The following SNAP23 variants were observed in gnomAD, a reference collection of about 807,000 sequenced individuals.
SNAP23 encodes synaptosome associated protein 23, also known as synaptosomal-associated protein 23.
In SNAP23, 11 loss-of-function variants were observed where a neutral mutation model predicts 29.0. That is an observed-to-expected ratio of 0.38 (90% CI 0.24 to 0.63). The LOEUF is 0.63. Ranked by LOEUF, SNAP23 falls within the 20% of genes least tolerant of loss-of-function variation. SNAP23 has a pLI of 0.58. For synonymous variants in SNAP23, 60 were observed against 82.9 expected (o/e 0.72, Z 1.50); for missense variants, 220 against 253.9 (o/e 0.87, Z 0.91).
chr15:42,512,943 G>A lies in SNAP23; in HGVS notation c.58-12G>A, dbSNP rs1014170455. ...ATATTTTGGAATGCTAAAATTCTGT[G>A]TTCTTTCCTAGTCTCTGGAAAGTAC... On this transcript the variant is annotated splice_polypyrimidine_tract_variant and intron_variant, in intron 2 of 7. Transcript: ENST00000249647. The A allele has an allele frequency of 2.5e-6, 4 of 1,604,606 alleles. No homozygotes were observed. The African/African-American group carries it at 5.4e-5, about 22-fold the overall frequency.
chr15:42,523,833 T>G (rs2057470900), intron 5 of SNAP23, among the ~76,000 whole-genome samples: 1 of 152,200 alleles, frequency 6.6e-6, no homozygotes, highest in Non-Finnish European at 1.5e-5. Context: ...TTTGTTTATT[T>G]TTAGATGGAG....
At chr15:42,494,546 ACT>A (rs2057200146), upstream of SNAP23, among the ~76,000 whole-genome samples, 36 of 136,302 alleles carry the variant, frequency 2.6e-4, no homozygotes, top group Admixed American at 2.7e-3. Flanking sequence ...ACGGAATTTC[ACT>A]CTCGTTGCCC....
At chr15:42,497,755 A>G (rs2057234012) in intron 1 of SNAP23, among the ~76,000 whole-genome samples, 1 of 152,190 alleles carries the variant, frequency 6.6e-6, no homozygotes, top group South Asian at 2.1e-4. Flanking sequence ...GTCCAAGTCC[A>G]AAGTCTCATC....
At chr15:42,511,193 A>G (rs997075211) in intron 1 of SNAP23, among the ~76,000 whole-genome samples, 2 of 152,204 alleles carry the variant, frequency 1.3e-5, no homozygotes, top group African/African-American at 4.8e-5. Flanking sequence ...ATAGGAGAAT[A>G]ATTGTTTGGT....
rs772606719 is a variant in SNAP23, at chr15:42,531,492, C to A, written c.*14C>A. 1 of 1,586,564 alleles carries A rather than the reference C, an allele frequency of 6.3e-7. No individual in the cohort carries two copies. Among genetic ancestry groups the A allele is most frequent in the Non-Finnish European group, 8.6e-7 (1 of 1,163,096 alleles). Reference sequence around the variant, plus strand: ...ATTGACAGCTAAAGCTACTGCTGTTCTTCTTTATCATTTATTCACTTCCGT... The same window carrying A: ...ATTGACAGCTAAAGCTACTGCTGTTATTCTTTATCATTTATTCACTTCCGT... On this transcript the variant is annotated 3_prime_UTR_variant, in exon 8 of 8. Coordinates refer to ENST00000249647, the MANE Select transcript of SNAP23 (RefSeq NM_003825.4).
At chr15:42,514,996 C>A (rs766579816) in intron 4 of SNAP23, among the ~76,000 whole-genome samples, 1 of 152,158 alleles carries the variant, frequency 6.6e-6, no homozygotes, top group African/African-American at 2.4e-5. Context: ...CCACCATACC[C>A]AGCCATATAC....
At chr15:42,494,433 C>T (rs550074780), upstream of SNAP23, among the ~76,000 whole-genome samples, 4 of 146,012 alleles carry the variant, frequency 2.7e-5, no homozygotes, top group South Asian at 2.2e-4. Flanking sequence ...CTGGCACTGT[C>T]GCCAGTGATA....
intron 5 of SNAP23, among the ~76,000 whole-genome samples, chr15:42,523,872 A>G (rs991633880): frequency 6.6e-6 from 1 of 152,194 alleles, no homozygotes; most frequent in African/African-American, 2.4e-5. Context: ...GCTGGAGTAC[A>G]GTGGCATGAT....
intron 2 of SNAP23, 56 bp from the exon 3 acceptor site, chr15:42,512,899 A>G: frequency 1.5e-6 from 2 of 1,376,322 alleles, no homozygotes; most frequent in Admixed American, 3.5e-5. Flanking sequence ...TTGGCCTGTG[A>G]TCAGATTTTT....
At chr15:42,502,588 C>T (rs184111104) in intron 1 of SNAP23, among the ~76,000 whole-genome samples, 8 of 152,302 alleles carry the variant, frequency 5.3e-5, no homozygotes, top group East Asian at 3.9e-4. Flanking sequence ...TGGATGGTTT[C>T]GGTGAATATT....
At chr15:42,528,951 G>C (rs1300850876) in intron 6 of SNAP23, among the ~76,000 whole-genome samples, 1 of 152,036 alleles carries the variant, frequency 6.6e-6, no homozygotes, top group East Asian at 1.9e-4. Context: ...ATACTTTTCA[G>C]TACTTTCCAA....
upstream of SNAP23, chr15:42,492,879 A>G (rs1387673824): frequency 1.3e-5 from 2 of 152,122 alleles, no homozygotes; most frequent in African/African-American, 2.4e-5. Context: ...TGGAGGAACT[A>G]TTTTACCCTA....
At chr15:42,519,976 A>T (rs1284215222) in intron 5 of SNAP23, among the ~76,000 whole-genome samples, 1 of 150,974 alleles carries the variant, frequency 6.6e-6, no homozygotes, top group African/African-American at 2.4e-5. Flanking sequence ...TTTTATTATT[A>T]TCATTTTACA....
intron 1 of SNAP23, among the ~76,000 whole-genome samples, chr15:42,508,129 G>A (rs1427199371): frequency 6.6e-6 from 1 of 151,926 alleles, no homozygotes; most frequent in African/African-American, 2.4e-5. Flanking sequence ...AGCCGGGCAT[G>A]ATGCATGCAC....
intron 5 of SNAP23, among the ~76,000 whole-genome samples, chr15:42,526,948 C>T (rs976455544): frequency 6.6e-6 from 1 of 151,976 alleles, no homozygotes; most frequent in Non-Finnish European, 1.5e-5. Flanking sequence ...AGCGATTCTC[C>T]TGCCTCAGCC....
chr15:42,508,482 G>C (rs1216190015), intron 1 of SNAP23, among the ~76,000 whole-genome samples: 1 of 152,058 alleles, frequency 6.6e-6, no homozygotes, highest in Non-Finnish European at 1.5e-5. Context: ...GCATCCTGGC[G>C]TTAGCATGCC....
upstream of SNAP23, chr15:42,491,652 A>C (rs2057164844): frequency 6.6e-6 from 1 of 152,240 alleles, no homozygotes; most frequent in South Asian, 2.1e-4. Context: ...TGCTAGGATT[A>C]AATAACATAG....
At chr15:42,526,698 A>C (rs1329974078) in intron 5 of SNAP23, among the ~76,000 whole-genome samples, 1 of 152,232 alleles carries the variant, frequency 6.6e-6, no homozygotes, top group Non-Finnish European at 1.5e-5. Context: ...TGTTTATAGA[A>C]AAGTGAAAAC....
chr15:42,525,448 C>CTT (rs1566819532), intron 5 of SNAP23, among the ~76,000 whole-genome samples: 3 of 50,692 alleles, frequency 5.9e-5, no homozygotes, highest in South Asian at 7.7e-4. Context: ...AAGATCCAGT[C>CTT]TTCTTTTTTT....
Sources: gnomAD v4.1 joint callset for allele counts (sites outside exome capture counted in the v4.1 genomes callset) on GRCh38, gnomAD v4.1.1 for gene constraint, MANE v1.5 for transcripts, NCBI Gene and HGNC (gene_info 2026-07-23, HGNC 2026-07-21) for gene names.